ABCG1: variants seen among roughly 807,000 people sequenced by gnomAD.
The protein encoded by ABCG1 is ATP-binding cassette sub-family G member 1.
In ABCG1, 29 loss-of-function variants were observed where a neutral mutation model predicts 69.2. The ratio of observed to expected loss-of-function variants is 0.42; its 90% confidence interval spans 0.31 to 0.57. The LOEUF is 0.57. Ranked by LOEUF, ABCG1 falls within the 20% of genes least tolerant of loss-of-function variation. The pLI is 0.15. For synonymous variants in ABCG1, 370 were observed against 374.8 expected, an observed-to-expected ratio of 0.99 and a Z score of 0.15; for missense variants, 718 against 898.1, an observed-to-expected ratio of 0.80 and a Z score of 2.56.
At chr21:42,207,549 C>G (rs2067552717) in intron 2 of ABCG1, among the ~76,000 whole-genome samples, 1 of 152,368 alleles carries the variant, frequency 6.6e-6, no homozygotes, top group African/African-American at 2.4e-5. Context: ...AATTCTAACA[C>G]TGCTGTCCTC....
intron 2 of ABCG1, among the ~76,000 whole-genome samples, chr21:42,255,895 G>A (rs2068296116): frequency 6.6e-6 from 1 of 152,174 alleles, no homozygotes; most frequent in Admixed American, 6.5e-5. Flanking sequence ...CAGAGAATGG[G>A]GCTATGGTTG....
upstream of ABCG1, among the ~76,000 whole-genome samples, chr21:42,217,057 A>T (rs1396841856): frequency 6.6e-6 from 1 of 151,896 alleles, no homozygotes; most frequent in Admixed American, 6.5e-5. Context: ...CGCTCCACAC[A>T]CCATCCCCCT....
Position 42,225,795 on chromosome 21 carries a change from T to C in ABCG1, c.167T>C (p.Val56Ala). Residue 56 changes from valine to alanine, a missense_variant, in exon 2 of 15, where the codon GTA becomes GCA. Physicochemically the swap from Val to Ala is moderately conservative, Grantham distance 64 (BLOSUM62 0). Coordinates refer to ENST00000398449, the MANE Select transcript of ABCG1 (RefSeq NM_016818.3). The part of the protein sequence containing the change: ...TDLLNGHLKK[V>A]DNNLTEAQRF... The stretch of plus-strand genomic sequence containing the variant: ...CTGCTGAATGGACATCTGAAAAAAG[T>C]AGATAATAACCTCACGGAAGCCCAG... 1 of 1,613,834 alleles carries C rather than the reference T, an allele frequency of 6.2e-7. No homozygotes were observed. The highest frequency in any genetic ancestry group is 8.5e-7 in the Non-Finnish European group (1 of 1,179,976).
chr21:42,214,564 T>C (rs375206009), upstream of ABCG1, among the ~76,000 whole-genome samples: 6 of 152,350 alleles, frequency 3.9e-5, 1 homozygote, highest in Non-Finnish European at 1.5e-5. Flanking sequence ...GTCTCGAGCA[T>C]GAGCACCTGC....
chr21:42,272,055 T>C (rs534412233), intron 3 of ABCG1, among the ~76,000 whole-genome samples: 4 of 152,392 alleles, frequency 2.6e-5, no homozygotes, highest in African/African-American at 9.6e-5. Context: ...TTTTATTTAC[T>C]AACTTTGGCA....
chr21:42,232,433 C>G (rs1223977876), intron 2 of ABCG1, among the ~76,000 whole-genome samples: 1 of 152,224 alleles, frequency 6.6e-6, no homozygotes, highest in Non-Finnish European at 1.5e-5. Context: ...TCAGATGGCT[C>G]TGCCAACATT....
chr21:42,278,888 C>G (rs1391321160), intron 5 of ABCG1, among the ~76,000 whole-genome samples: 1 of 152,008 alleles, frequency 6.6e-6, no homozygotes, highest in Admixed American at 6.6e-5. Flanking sequence ...AGTTTTGCCA[C>G]CCCCCAGTCC....
intron 4 of ABCG1, among the ~76,000 whole-genome samples, chr21:42,274,758 C>A (rs374606035): frequency 4.7e-5 from 7 of 150,190 alleles, no homozygotes; most frequent in African/African-American, 1.5e-4. Context: ...CAGGTGTGAG[C>A]CACCGTGCCC....
rs565346199 is a variant in ABCG1 at position 42,276,769 on chromosome 21, T to A, written c.538-126T>A. On this transcript the variant is annotated intron_variant, in intron 4 of 14. Transcript: ENST00000398449. This position sits in a 1 kb window ranked among gnomAD's most constrained non-coding sequence, Gnocchi z 5.3. Reference sequence around the variant, plus strand: ...AGCTGCACTGTGGGTAGCTGCACCGTGGCTAGTGGCACTGTGGCTAGCTGC... The same window carrying A: ...AGCTGCACTGTGGGTAGCTGCACCGAGGCTAGTGGCACTGTGGCTAGCTGC... 3.3e-6 allele frequency: 3 copies of A among 917,770 alleles called. No individual in the cohort carries two copies. The highest frequency in any genetic ancestry group is 5.3e-6 in the Non-Finnish European group (3 of 570,832). The allele number at this position is 917,770 out of a possible 1,614,324, so 56.9% of individuals were successfully genotyped here. A position where few individuals can be genotyped will look rare whatever the true frequency, so the allele number is the denominator to read the frequency against.
chr21:42,221,033 C>T (rs1440650058), intron 1 of ABCG1: 1 of 151,948 alleles, frequency 6.6e-6, no homozygotes, highest in Non-Finnish European at 1.5e-5. Flanking sequence ...GATAATATGC[C>T]CCCGGAGCTC....
At chr21:42,274,779 A>G (rs1458718832) in intron 4 of ABCG1, among the ~76,000 whole-genome samples, 1 of 148,714 alleles carries the variant, frequency 6.7e-6, no homozygotes. Flanking sequence ...GGCAGGGGCC[A>G]TTTTTTTTTT....
At chr21:42,218,090 T>C (rs2067662408), upstream of ABCG1, among the ~76,000 whole-genome samples, 1 of 152,180 alleles carries the variant, frequency 6.6e-6, no homozygotes, top group Non-Finnish European at 1.5e-5. Context: ...ATCTGACCTG[T>C]GGGTGTGAAG....
chr21:42,270,009 T>G (rs2068586990), intron 2 of ABCG1, among the ~76,000 whole-genome samples: 1 of 151,606 alleles, frequency 6.6e-6, no homozygotes, highest in South Asian at 2.1e-4. Flanking sequence ...CTCACGCCTG[T>G]AATCCCAGCA....
At chr21:42,201,615 A>G (rs577484248) in exon 2 of ABCG1, 14 of 1,567,388 alleles carry the variant, frequency 8.9e-6, no homozygotes, top group Middle Eastern at 1.7e-4. Context: ...GAGACCTAAG[A>G]TTCAGCCCCG....
chr21:42,285,753 G>A (rs1429340203), intron 7 of ABCG1, 127 bp from the exon 8 acceptor site: 6 of 715,634 alleles, frequency 8.4e-6, no homozygotes, highest in South Asian at 1.6e-5. Flanking sequence ...TCTCAGGAGA[G>A]GAAGTGGCTG....
intron 2 of ABCG1, among the ~76,000 whole-genome samples, chr21:42,205,328 G>T (rs1467459225): frequency 6.6e-6 from 1 of 152,130 alleles, no homozygotes; most frequent in East Asian, 1.9e-4. Context: ...GCCAGACATG[G>T]TGGCTCATGC....
Position 42,296,239 on chromosome 21 carries a change from G to A in ABCG1, c.1848G>A (p.Thr616=), listed in dbSNP as rs144909530. The part of the protein sequence containing the change: ...REDLHCDIDE[T]CHFQKSEAIL... ...ATCTGCACTGTGACATCGACGAGAC[G>A]TGCCACTTCCAGAAGTCGGAGGCCA... The change falls in exon 15 of 15, where the codon ACG becomes ACA. Residue 616 remains threonine (T), a synonymous_variant. Transcript: ENST00000398449. This position sits in a 1 kb window ranked among gnomAD's most constrained non-coding sequence, Gnocchi z 5.4. The A allele has an allele frequency of 1.5e-5, 25 of 1,614,152 alleles. No individual in the cohort carries two copies. The highest frequency in any genetic ancestry group is 1.2e-4 in the African/African-American group (9 of 75,016).
chr21:42,231,972 CT>C (rs1268430617), intron 2 of ABCG1, among the ~76,000 whole-genome samples: 1 of 152,194 alleles, frequency 6.6e-6, no homozygotes, highest in African/African-American at 2.4e-5. Context: ...GACAAAGAGT[CT>C]GCCTTGGAGA....
Position 42,210,891 on chromosome 21 carries a change from A to T in ABCG1, c.48+9168A>T, listed in dbSNP as rs967814482. Among the ~76,000 whole-genome samples the T allele has an allele frequency of 3.9e-5, 6 of 152,162 alleles. No individual in the cohort carries two copies. In the Middle Eastern group the frequency reaches 0.01, roughly 261 times the overall value. On this transcript the variant is annotated intron_variant, in intron 2 of 15. Coordinates refer to the ABCG1 transcript ENST00000398457. ...ATCTGGATGCTGGAGACAGAATACC[A>T]TTGAAGTCAAGAGTGCCAGCAAAAT...
Sources: allele counts gnomAD v4.1 joint callset (sites outside exome capture counted in the v4.1 genomes callset), GRCh38; gene constraint gnomAD v4.1.1; non-coding constraint Gnocchi (gnomAD v3.1); transcripts MANE v1.5; gene names NCBI Gene and HGNC (gene_info 2026-07-23, HGNC 2026-07-21).